Variants in STAB1 observed in about 807,000 individuals in gnomAD.
The protein encoded by STAB1 is stabilin-1.
In STAB1, 250 loss-of-function variants were observed where a neutral mutation model predicts 332.4. That is an observed-to-expected ratio of 0.75 (90% CI 0.68 to 0.84). STAB1 has a LOEUF of 0.84. STAB1 is among the 40% of genes least tolerant of loss of function. The pLI is 0.00. For missense variants in STAB1, 3,249 were observed against 3,489.7 expected, an observed-to-expected ratio of 0.93 and a Z score of 1.74; for synonymous variants, 1,475 against 1,390.4, an observed-to-expected ratio of 1.06 and a Z score of -1.35.
intron 8 of STAB1, 74 bp from the exon 9 acceptor site, chr3:52,503,698 T>G: frequency 6.3e-7 from 1 of 1,598,116 alleles, no homozygotes; most frequent in East Asian, 2.2e-5. Context: ...TGAGCAGGGC[T>G]CTATGGGTAG....
In STAB1 at chr3:52,520,009, A is replaced by T; in HGVS notation, c.5301A>T (p.Thr1767=). The change falls in exon 51 of 69, where the codon ACA becomes ACT. Residue 1767 remains threonine (T), a synonymous_variant. Transcript: ENST00000321725. Reference sequence around the variant, plus strand: ...GGCCCTTCACAATGCTGTGGCCCACAGACGCCGCCTTTCGAGCTCTGCCTC... The same window carrying T: ...GGCCCTTCACAATGCTGTGGCCCACTGACGCCGCCTTTCGAGCTCTGCCTC... ...SHRPFTMLWP[T]DAAFRALPPD... 2.5e-6 allele frequency: 4 copies of T among 1,612,200 alleles called. No individual in the cohort carries two copies. The highest frequency in any genetic ancestry group is 3.4e-6 in the Non-Finnish European group (4 of 1,179,800).
At chr3:52,510,118 G>A in intron 23 of STAB1, 24 bp from the exon 24 acceptor site, 1 of 1,613,860 alleles carries the variant, frequency 6.2e-7, no homozygotes, top group Non-Finnish European at 8.5e-7. Flanking sequence ...GCTCACTGGA[G>A]CCCCCTCCTT....
Position 52,505,300 on chromosome 3 carries a change from C to T in STAB1, c.1519-19C>T. 3 of 1,613,438 alleles carry T rather than the reference C, an allele frequency of 1.9e-6. No individual in the cohort carries two copies. Among genetic ancestry groups the T allele is most frequent in the Non-Finnish European group, 2.5e-6 (3 of 1,179,804 alleles). On this transcript the variant is annotated intron_variant, in intron 13 of 68. Coordinates refer to ENST00000321725, the MANE Select transcript of STAB1 (RefSeq NM_015136.3). ...CCTCACCCCTTCCCTGGGGCCCTCA[C>T]ACTCATCCCTCCTTACAGAGAACTA...
In STAB1 at chr3:52,520,219, C is replaced by A. The variant is rs1559718118; in HGVS notation, c.5428C>A (p.Leu1810Met). 1 of 1,613,174 alleles carries A rather than the reference C, an allele frequency of 6.2e-7. No homozygotes were observed. The highest frequency in any genetic ancestry group is 1.3e-5 in the African/African-American group (1 of 75,068). The change falls in exon 52 of 69, where the codon CTG (leucine) becomes ATG (methionine). Residue 1810 changes from leucine to methionine, a missense_variant. By Grantham distance (15) the Leu-to-Met change is conservative (BLOSUM62 2). Transcript: ENST00000321725. ...IRNVEALASDLPNLGPLRTMH... is the reference protein window; with the variant it reads ...IRNVEALASDMPNLGPLRTMH... ...ACTTGCTCAGGCCTTGGCATCTGAC[C>A]TGCCCAACCTGGGCCCACTTCGAAC... is the stretch of plus-strand genomic sequence containing the variant.
At chr3:52,500,203 A>T (rs895646504) in intron 1 of STAB1, among the ~76,000 whole-genome samples, 1 of 152,048 alleles carries the variant, frequency 6.6e-6, no homozygotes, top group African/African-American at 2.4e-5. Flanking sequence ...GCCTTGTCAC[A>T]CATTTGTTTT....
intron 1 of STAB1, among the ~76,000 whole-genome samples, chr3:52,497,407 C>CTTT (rs1200611448): frequency 7.8e-4 from 87 of 111,772 alleles, no homozygotes; most frequent in East Asian, 1.0e-3. Context: ...AATTCGATGC[C>CTTT]TTTTTTTTTT....
At position 52,523,096 on chromosome 3, in the gene STAB1, G is replaced by A; in HGVS notation, c.6982G>A (p.Val2328Met). ...CACGTGCAATGGGAAGCTGCTGGAT[G>A]TGCTGGCTGCCACTGCCAACTTCTC... ...ISTCNGKLLD[V>M]LAATANFSTF... is the part of the protein sequence containing the mutation. The change falls in exon 63 of 69, where the codon GTG becomes ATG. Residue 2328 changes from valine to methionine, a missense_variant. Transcript: ENST00000321725. The A allele has an allele frequency of 1.3e-6, 2 of 1,574,858 alleles. No individual in the cohort carries two copies. Among genetic ancestry groups the A allele is most frequent in the South Asian group, 1.2e-5 (1 of 83,636 alleles).
intron 18 of STAB1, among the ~76,000 whole-genome samples, chr3:52,507,182 T>C (rs1346801562): frequency 6.6e-6 from 1 of 152,214 alleles, no homozygotes; most frequent in East Asian, 1.9e-4. Context: ...GTAGCTGGGA[T>C]TACAGGTGTC....
chr3:52,517,647 C>G, intron 44 of STAB1, 23 bp downstream of exon 44: 1 of 1,609,624 alleles, frequency 6.2e-7, no homozygotes, highest in South Asian at 1.1e-5. Context: ...GTCCTGTCCT[C>G]CTTCACTGAC....
At position 52,517,639 on chromosome 3, in the gene STAB1, C is replaced by A. The variant is rs1351196321; in HGVS notation, c.4638+15C>A. 5 of 1,610,766 alleles carry A rather than the reference C, an allele frequency of 3.1e-6. No homozygotes were observed. Among genetic ancestry groups the A allele is most frequent in the South Asian group, 1.1e-5 (1 of 90,766 alleles). On this transcript the variant is annotated intron_variant, in intron 44 of 68. Coordinates refer to ENST00000321725, the MANE Select transcript of STAB1 (RefSeq NM_015136.3). ...CCTGCTCTAAGGTCAGGACCCTAGTCCTGTCCTCCTTCACTGACGAGAAGG... is the reference window on the plus strand; with the variant it reads ...CCTGCTCTAAGGTCAGGACCCTAGTACTGTCCTCCTTCACTGACGAGAAGG...
intron 37 of STAB1, 22 bp from the exon 38 acceptor site, chr3:52,516,021 T>C (rs1336416845): frequency 1.3e-6 from 2 of 1,582,346 alleles, no homozygotes; most frequent in Non-Finnish European, 1.7e-6. Flanking sequence ...TCTCGCCCTC[T>C]CTCCCATCCC....
rs753939009 is a variant in STAB1, at chr3:52,507,288, G to A, written c.1990-325G>A. Among the ~76,000 whole-genome samples, 29 of 152,142 alleles carry A rather than the reference G, an allele frequency of 1.9e-4. 1 individual carries two copies. Among genetic ancestry groups the A allele is most frequent in the Non-Finnish European group, 4.0e-4 (27 of 68,026 alleles). The stretch of plus-strand genomic sequence containing the variant: ...TCAAACCTCTGACCTCAGGTGATCC[G>A]CCCACCTCGGCCTCCCAAAGTGCTG... On this transcript the variant is annotated intron_variant, in intron 18 of 68. Coordinates refer to ENST00000321725, the MANE Select transcript of STAB1 (RefSeq NM_015136.3).
intron 19 of STAB1, 98 bp from the exon 20 acceptor site, chr3:52,507,833 T>C (rs1470620284): frequency 6.8e-7 from 1 of 1,464,194 alleles, no homozygotes; most frequent in Non-Finnish European, 9.5e-7. Context: ...GTTAGAGTTC[T>C]GGACCCAGGG....
Position 52,508,354 on chromosome 3 carries a change from G to C in STAB1, c.2230G>C (p.Gly744Arg), listed in dbSNP as rs768552232. The change falls in exon 21 of 69, where the codon GGC (glycine) becomes CGC (arginine). Residue 744 changes from glycine (G) to arginine (R), a missense_variant. Coordinates refer to ENST00000321725, the MANE Select transcript of STAB1 (RefSeq NM_015136.3). Reference protein sequence around the residue: ...GGFSNPCYGKGNCSDGIQGNG... With the variant: ...GGFSNPCYGKRNCSDGIQGNG... The stretch of plus-strand genomic sequence containing the variant: ...CTTCTCCAACCCCTGCTATGGCAAA[G>C]GCAATGTGAGTCCCATCCTCTCCTG... 2.5e-6 allele frequency: 4 copies of C among 1,613,732 alleles called. No individual in the cohort carries two copies. Among genetic ancestry groups the C allele is most frequent in the Non-Finnish European group, 3.4e-6 (4 of 1,180,008 alleles).
Position 52,508,257 on chromosome 3 carries a change from G to A in STAB1, c.2149-16G>A, listed in dbSNP as rs1485983943. ...TGGACCCAGATGGCCTCTTGGACCTGTTCTGTCTCTTATAGGAACAAGGCT... is the reference window on the plus strand; with the variant it reads ...TGGACCCAGATGGCCTCTTGGACCTATTCTGTCTCTTATAGGAACAAGGCT... On this transcript the variant is annotated splice_polypyrimidine_tract_variant and intron_variant, in intron 20 of 68. Coordinates refer to ENST00000321725, the MANE Select transcript of STAB1 (RefSeq NM_015136.3). 1.2e-6 allele frequency: 2 copies of A among 1,606,010 alleles called. No homozygotes were observed. The highest frequency in any genetic ancestry group is 1.3e-5 in the African/African-American group (1 of 74,924).
intron 1 of STAB1, among the ~76,000 whole-genome samples, chr3:52,500,416 T>C (rs534301279): frequency 6.6e-6 from 1 of 152,328 alleles, no homozygotes; most frequent in East Asian, 1.9e-4. Context: ...GCCCAAACAC[T>C]TGCAGACCAG....
rs750908113 is a variant in STAB1, at chr3:52,518,546, AGCTCAAGG to A, written c.4823_4830del (p.Leu1608ArgfsTer21). On this transcript the variant is annotated frameshift_variant, in exon 47 of 69. Transcript: ENST00000321725. LOFTEE classifies it high-confidence loss of function. ...TGCTGCCTCCCGCAGGAATATAAGG[AGCTCAAGG>A]GCGATGGGCCTTTCACCATCTTCGT... is the stretch of plus-strand genomic sequence containing the variant. 5 of 1,590,294 alleles carry A rather than the reference AGCTCAAGG, an allele frequency of 3.1e-6. No individual in the cohort carries two copies.
chr3:52,517,782 G>A (rs2078923716), intron 44 of STAB1, 99 bp from the exon 45 acceptor site: 1 of 1,590,756 alleles, frequency 6.3e-7, no homozygotes, highest in Non-Finnish European at 8.6e-7. Flanking sequence ...TAGGATCTGG[G>A]GGGCTGAGCA....
At chr3:52,501,911 G>C (rs1301953781) in intron 3 of STAB1, 95 bp from the exon 4 acceptor site, 2 of 1,507,004 alleles carry the variant, frequency 1.3e-6, no homozygotes, top group South Asian at 1.2e-5. Flanking sequence ...TTGCTTCCTT[G>C]GGGGAGGGGC....
Sources: allele counts gnomAD v4.1 joint callset (sites outside exome capture counted in the v4.1 genomes callset), GRCh38; gene constraint gnomAD v4.1.1; transcripts MANE v1.5; gene names NCBI Gene and HGNC (gene_info 2026-07-23, HGNC 2026-07-21).